Variants in ACAN observed in about 807,000 individuals in gnomAD.
ACAN encodes aggrecan core protein.
In ACAN, 47 loss-of-function variants were observed where a neutral mutation model predicts 169.1. The ratio of observed to expected loss-of-function variants is 0.28; its 90% CI spans 0.22 to 0.35. The LOEUF (loss-of-function observed/expected upper bound fraction) is 0.35, where lower values mean the gene tolerates loss of function less well. Among genes scored for constraint, ACAN ranks in the 10% least tolerant of loss-of-function variants. The pLI, the probability that ACAN is intolerant of heterozygous loss-of-function variation, is 1.00. For missense variants in ACAN, 2,716 were observed against 2,759.9 expected (o/e 0.98, Z 0.36); for synonymous variants, 1,115 against 1,112.2 (o/e 1.00, Z -0.05).
At chr15:88,828,385 T>C (rs563773272) in intron 1 of ACAN, among the ~76,000 whole-genome samples, 12 of 152,128 alleles carry the variant, frequency 7.9e-5, no homozygotes, top group African/African-American at 2.4e-4. Flanking sequence ...TTTCTCGGTT[T>C]CTTATTTTCT....
In ACAN at chr15:88,805,648, AC is replaced by A. The variant is rs552774183; in HGVS notation, c.-8+1842del. ...CTCAATAAACAGCAGATATGAGATG[AC>A]CCAAGCAAAGGGCTTAGCGTAGTGC... is the stretch of plus-strand genomic sequence containing the variant. On this transcript the variant is annotated intron_variant, in intron 1 of 18. Transcript: ENST00000560601. 1.4e-3 allele frequency among the ~76,000 whole-genome samples: 219 copies of A among 152,292 alleles called. 1 individual carries two copies. Among genetic ancestry groups the A allele is most frequent in the African/African-American group, 5.2e-3 (215 of 41,568 alleles).
In ACAN at chr15:88,874,135, G is replaced by A. The variant is rs1170406098; in HGVS notation, c.7630+111G>A. The A allele has an allele frequency of 5.6e-6, 8 of 1,440,680 alleles. No homozygotes were observed. Among genetic ancestry groups the A allele is most frequent in the Non-Finnish European group, 5.7e-6 (6 of 1,057,974 alleles). The allele number at this position is 1,440,680 out of a possible 1,614,324, so 89.2% of individuals were successfully genotyped here. On this transcript the variant is annotated intron_variant, in intron 18 of 18. Coordinates refer to ENST00000560601, the MANE Select transcript of ACAN (RefSeq NM_001369268.1). This position sits in a 1 kb window ranked among gnomAD's most constrained non-coding sequence, Gnocchi z 7.3. ...TACACCGTCCACAGGGTTGAGCAAG[G>A]GAAGGGAGGTCGGGGGGCTGCTCAG...
At chr15:88,841,184 C>T (rs1896652255) in intron 4 of ACAN, among the ~76,000 whole-genome samples, 1 of 152,204 alleles carries the variant, frequency 6.6e-6, no homozygotes, top group African/African-American at 2.4e-5. Context: ...AGCTCTGGCA[C>T]TTGGAAGCTG....
intron 1 of ACAN, among the ~76,000 whole-genome samples, chr15:88,806,497 G>T (rs996071769): frequency 6.6e-6 from 1 of 151,892 alleles, no homozygotes; most frequent in African/African-American, 2.4e-5. Context: ...GGTTACTTGT[G>T]TACCACCACG....
rs545233342 is a variant in ACAN at position 88,838,500 on chromosome 15, G to T, written c.71-163G>T. Among the ~76,000 whole-genome samples the T allele has an allele frequency of 6.6e-6, 1 of 152,246 alleles. No individual in the cohort carries two copies. The highest frequency in any genetic ancestry group is 2.1e-4 in the South Asian group (1 of 4,820). On this transcript the variant is annotated intron_variant, in intron 2 of 18. Transcript: ENST00000560601. The surrounding 1 kb of genome is among the most constrained non-coding windows in gnomAD (Gnocchi z 5.1). Reference sequence around the variant, plus strand: ...GGAAAGGGCGTGGCAAGCCTTTCTGGGAATTCCCACATGACACGGGAGCAT... The same window carrying T: ...GGAAAGGGCGTGGCAAGCCTTTCTGTGAATTCCCACATGACACGGGAGCAT...
chr15:88,826,077 A>G (rs1896209931), intron 1 of ACAN, among the ~76,000 whole-genome samples: 1 of 152,174 alleles, frequency 6.6e-6, no homozygotes, highest in African/African-American at 2.4e-5. Flanking sequence ...AGCTCTTCCA[A>G]CTGCCAGAGG....
rs533925391 is a variant in ACAN, at chr15:88,859,216, G to A, written c.6631G>A (p.Val2211Ile). The change falls in exon 12 of 19, where the codon GTT becomes ATT. Residue 2211 changes from valine to isoleucine, a missense_variant. Physicochemically the swap from Val to Ile is conservative, Grantham distance 29 (BLOSUM62 3). Coordinates refer to ENST00000560601, the MANE Select transcript of ACAN (RefSeq NM_001369268.1). The stretch of plus-strand genomic sequence containing the variant: ...GTCTGGTCACACCTCGCAGCTGGGC[G>A]TTGTCATCAGCACCAGCATCCCAGA... ...DLSGHTSQLG[V>I]VISTSIPESE... The A allele has an allele frequency of 3.3e-5, 53 of 1,613,912 alleles. No homozygotes were observed. The highest frequency in any genetic ancestry group is 4.5e-5 in the East Asian group (2 of 44,880).
rs750263558 is a variant in ACAN, at chr15:88,857,201, C to T, written c.4616C>T (p.Ala1539Val). The T allele has an allele frequency of 1.9e-6, 3 of 1,613,698 alleles. No individual in the cohort carries two copies. Among genetic ancestry groups the T allele is most frequent in the Non-Finnish European group, 2.5e-6 (3 of 1,179,824 alleles). ...GGAGAAGAAGTTCTAGAGATTTCTGCCTCTGGATTTGGGGACCTCAGTGGA... is the reference window on the plus strand; with the variant it reads ...GGAGAAGAAGTTCTAGAGATTTCTGTCTCTGGATTTGGGGACCTCAGTGGA... ...PSGEEVLEIS[A>V]SGFGDLSGLP... The change falls in exon 12 of 19, where the codon GCC becomes GTC. Residue 1539 changes from alanine to valine, a missense_variant. Physicochemically the swap from Ala to Val is moderately conservative, Grantham distance 64. Coordinates refer to ENST00000560601, the MANE Select transcript of ACAN (RefSeq NM_001369268.1).
intron 1 of ACAN, among the ~76,000 whole-genome samples, chr15:88,824,494 A>C (rs2141525758): frequency 6.6e-6 from 1 of 152,282 alleles, no homozygotes; most frequent in East Asian, 1.9e-4. Flanking sequence ...AGTGAGAAAA[A>C]CCAAAAAAAC....
At position 88,843,538 on chromosome 15, in the gene ACAN, C is replaced by G. The variant is rs772697028; in HGVS notation, c.941C>G (p.Ala314Gly). ...DRSVRYPISK[A>G]RPNCGGNLLG... ...AGCGTGCGCTACCCCATCTCCAAGGCCCGGCCCAACTGCGGTGGCAACCTC... is the reference window on the plus strand; with the variant it reads ...AGCGTGCGCTACCCCATCTCCAAGGGCCGGCCCAACTGCGGTGGCAACCTC... The change falls in exon 6 of 19, where the codon GCC becomes GGC. Residue 314 changes from alanine to glycine, a missense_variant. Physicochemically the swap from Ala to Gly is moderately conservative, Grantham distance 60. Transcript: ENST00000560601. The surrounding 1 kb of genome is among the most constrained non-coding windows in gnomAD (Gnocchi z 4.0). 1 of 1,612,736 alleles carries G rather than the reference C, an allele frequency of 6.2e-7. No homozygotes were observed.
chr15:88,811,869 C>A (rs1244111518), intron 1 of ACAN, among the ~76,000 whole-genome samples: 1 of 152,116 alleles, frequency 6.6e-6, no homozygotes, highest in African/African-American at 2.4e-5. Flanking sequence ...TGGGCATCAC[C>A]CCCACCCCAG....
In ACAN at chr15:88,855,417, A is replaced by G; in HGVS notation, c.2832A>G (p.Leu944=). ...AACTGCCCTCTGGAGCTGAGATCCTAGAGGGCTCTGCCTCTGGAGTTGGGG... is the reference window on the plus strand; with the variant it reads ...AACTGCCCTCTGGAGCTGAGATCCTGGAGGGCTCTGCCTCTGGAGTTGGGG... The part of the protein sequence containing the change: ...VGELPSGAEI[L]EGSASGVGDL... The change falls in exon 12 of 19, where the codon CTA becomes CTG. Residue 944 remains leucine (L), a synonymous_variant. Coordinates refer to ENST00000560601, the MANE Select transcript of ACAN (RefSeq NM_001369268.1). 2 of 1,613,736 alleles carry G rather than the reference A, an allele frequency of 1.2e-6. No individual in the cohort carries two copies. Among genetic ancestry groups the G allele is most frequent in the African/African-American group, 1.3e-5 (1 of 75,022 alleles).
Position 88,807,492 on chromosome 15 carries a change from G to C in ACAN, c.-8+3683G>C, listed in dbSNP as rs1004394307. Among the ~76,000 whole-genome samples the C allele has an allele frequency of 3.3e-5, 5 of 152,110 alleles. No homozygotes were observed. The highest frequency in any genetic ancestry group is 2.1e-4 in the South Asian group (1 of 4,830). On this transcript the variant is annotated intron_variant, in intron 1 of 18. Coordinates refer to ENST00000560601, the MANE Select transcript of ACAN (RefSeq NM_001369268.1). This position sits in a 1 kb window ranked among gnomAD's most constrained non-coding sequence, Gnocchi z 4.0. ...GGGAGTGGCAGCTCCCCTTCCCCCA[G>C]ATCCAACAGGACACAGCCATCCCTG...
rs1897387691 is a variant in ACAN, at chr15:88,871,863, A to AC, written c.7220-138dup. 1 of 790,362 alleles carries AC rather than the reference A, an allele frequency of 1.3e-6. No individual in the cohort carries two copies. The highest frequency in any genetic ancestry group is 1.7e-5 in the African/African-American group (1 of 59,358). The allele number at this position is 790,362 out of a possible 1,614,324, so 49.0% of individuals were successfully genotyped here. A position where few individuals can be genotyped will look rare whatever the true frequency, so the allele number is the denominator to read the frequency against. On this transcript the variant is annotated intron_variant, in intron 15 of 18. Coordinates refer to ENST00000560601, the MANE Select transcript of ACAN (RefSeq NM_001369268.1). The surrounding 1 kb of genome is among the most constrained non-coding windows in gnomAD (Gnocchi z 7.8). The stretch of plus-strand genomic sequence containing the variant: ...TGCACGTGCTGAGCCTCTTGTGAGG[A>AC]CCTGAGAAGCACGTGCCTTGCTCCT...
Position 88,859,426 on chromosome 15 carries a change from AT to A in ACAN, c.6832+15del, listed in dbSNP as rs556274752. ...AGAATCAACTGCTGCAGGTATTGTGATTTTTTCCCCCTTTAAATGTGCTTAG... is the reference window on the plus strand; with the variant it reads ...AGAATCAACTGCTGCAGGTATTGTGATTTTTCCCCCTTTAAATGTGCTTAG... On this transcript the variant is annotated intron_variant, in intron 12 of 18. Coordinates refer to ENST00000560601, the MANE Select transcript of ACAN (RefSeq NM_001369268.1). The A allele has an allele frequency of 1.8e-5, 28 of 1,552,424 alleles. No homozygotes were observed. Among genetic ancestry groups the A allele is most frequent in the East Asian group, 9.8e-5 (4 of 40,964 alleles).
In ACAN at chr15:88,839,948, C is replaced by G; in HGVS notation, c.455-64C>G. The G allele has an allele frequency of 6.5e-7, 1 of 1,539,924 alleles. No homozygotes were observed. Among genetic ancestry groups the G allele is most frequent in the Non-Finnish European group, 8.8e-7 (1 of 1,136,302 alleles). On this transcript the variant is annotated intron_variant, in intron 3 of 18. Coordinates refer to ENST00000560601, the MANE Select transcript of ACAN (RefSeq NM_001369268.1). This position sits in a 1 kb window ranked among gnomAD's most constrained non-coding sequence, Gnocchi z 4.5. The stretch of plus-strand genomic sequence containing the variant: ...GACTATTGCCATAATTCTGCGAGGG[C>G]CTCGGTGATCAGAGACTGTGCCTGA...
Position 88,857,217 on chromosome 15 carries a change from C to A in ACAN, c.4632C>A (p.Asp1544Glu), listed in dbSNP as rs1897074078. The A allele has an allele frequency of 1.9e-6, 3 of 1,613,620 alleles. No homozygotes were observed. In the East Asian group the frequency reaches 6.7e-5, roughly 36 times the overall value. The change falls in exon 12 of 19, where the codon GAC (aspartate) becomes GAA (glutamate). Residue 1544 changes from aspartate (D) to glutamate (E), a missense_variant. Asp to Glu is a conservative substitution (Grantham distance 45). Around this residue, in one of 3 missense-constraint regions of ACAN, gnomAD observed 1,389 missense variants for 1,363.7 expected, o/e 1.02. Coordinates refer to ENST00000560601, the MANE Select transcript of ACAN (RefSeq NM_001369268.1). ...VLEISASGFG[D>E]LSGLPSGGEG... is the part of the protein sequence containing the mutation. ...AGATTTCTGCCTCTGGATTTGGGGA[C>A]CTCAGTGGACTTCCTTCTGGAGGAG...
At chr15:88,823,081 C>T (rs1896119509) in intron 1 of ACAN, among the ~76,000 whole-genome samples, 1 of 152,336 alleles carries the variant, frequency 6.6e-6, no homozygotes, top group East Asian at 1.9e-4. Context: ...CTTATTAAAC[C>T]TGGGCTCAAT....
At chr15:88,859,474 T>C (rs1219673831) in intron 12 of ACAN, 57 bp downstream of exon 12, 12 of 1,550,032 alleles carry the variant, frequency 7.7e-6, no homozygotes, top group Non-Finnish European at 9.6e-6. Context: ...TGTAGCCTAC[T>C]GCAGCACAGA....
Sources: allele counts gnomAD v4.1 joint callset (sites outside exome capture counted in the v4.1 genomes callset), GRCh38; gene constraint gnomAD v4.1.1; regional missense constraint gnomAD v4.1.1; non-coding constraint Gnocchi (gnomAD v3.1); transcripts MANE v1.5; gene names NCBI Gene and HGNC (gene_info 2026-07-23, HGNC 2026-07-21).